PCLO: variants seen among roughly 807,000 people sequenced by gnomAD.
PCLO encodes the protein piccolo presynaptic cytomatrix protein.
In PCLO, 82 loss-of-function variants were observed where a neutral mutation model predicts 427.5. The ratio of observed to expected loss-of-function variants is 0.19; its 90% CI spans 0.16 to 0.23. The LOEUF is 0.23. Among genes scored for constraint, PCLO ranks in the 10% least tolerant of loss-of-function variants. PCLO has a pLI of 1.00. For synonymous variants in PCLO, 2,357 were observed against 2,155.4 expected (o/e 1.09, Z -2.59); for missense variants, 6,239 against 6,115.9 (o/e 1.02, Z -0.67).
rs372228421 is a variant in PCLO, at chr7:82,950,900, G to A, written c.9688C>T (p.Arg3230Cys). ...TCCCACTCCAATTCCTCAGCAAAGC[G>A]CTGTTGCTTAATTTTCTCCAGTTCC... Reference protein sequence around the residue: ...LLELEKIKQQRFAEELEWERQ... With the variant: ...LLELEKIKQQCFAEELEWERQ... Residue 3230 changes from arginine (R) to cysteine (C), a missense_variant, in exon 6 of 25, where the codon CGC (arginine) becomes TGC (cysteine). By Grantham distance (180) the Arg-to-Cys change is radical. Transcript: ENST00000333891. 4.6e-5 allele frequency: 74 copies of A among 1,613,192 alleles called. No individual in the cohort carries two copies. The East Asian group carries it at 6.0e-4, about 13-fold the overall frequency.
chr7:82,954,699 G>T lies in PCLO; in HGVS notation c.6254C>A (p.Ala2085Asp), dbSNP rs759950263. The change falls in exon 5 of 25, where the codon GCC becomes GAC. Residue 2085 changes from alanine to aspartate, a missense_variant. Physicochemically the swap from Ala to Asp is moderately radical, Grantham distance 126. Around this residue, in one of 5 missense-constraint regions of PCLO, gnomAD observed 4,677 missense variants for 4,468.4 expected, o/e 1.05. Coordinates refer to ENST00000333891, the MANE Select transcript of PCLO (RefSeq NM_033026.6). ...CTCTGTCATATCCTCACCAATGGGG[G>T]CCTGGGTTGGGCTAGATCCAGGTGT... ...QLTPGSSPTQ[A>D]PIGEDMTEST... The T allele has an allele frequency of 9.2e-5, 148 of 1,613,858 alleles. 2 individuals carry two copies. In the South Asian group the frequency reaches 1.5e-3, roughly 17 times the overall value.
At chr7:83,158,907 CCA>C (rs1357653476) in intron 1 of PCLO, among the ~76,000 whole-genome samples, 1 of 151,886 alleles carries the variant, frequency 6.6e-6, no homozygotes, top group African/African-American at 2.4e-5. Context: ...ACTGCCAATA[CCA>C]AACAAAAACG....
chr7:82,907,863 C>A (rs1378911151), intron 8 of PCLO, among the ~76,000 whole-genome samples: 1 of 151,832 alleles, frequency 6.6e-6, no homozygotes, highest in Non-Finnish European at 1.5e-5. Context: ...AGAAATAAAT[C>A]AAATCTAAGA....
At chr7:82,846,689 G>T in intron 11 of PCLO, 55 bp from the exon 12 acceptor site, 3 of 1,253,462 alleles carry the variant, frequency 2.4e-6, no homozygotes, top group Non-Finnish European at 3.4e-6. Context: ...GAGACAAAGA[G>T]CACTTTTTTC....
intron 10 of PCLO, among the ~76,000 whole-genome samples, chr7:82,865,991 G>A (rs1391715485): frequency 1.3e-5 from 2 of 152,012 alleles, no homozygotes; most frequent in East Asian, 3.9e-4. Context: ...CCTTACAATG[G>A]CCTGCAAGAT....
At chr7:82,873,722 C>T (rs544674802) in intron 10 of PCLO, among the ~76,000 whole-genome samples, 18 of 152,154 alleles carry the variant, frequency 1.2e-4, no homozygotes, top group Admixed American at 1.2e-3. Context: ...AGAATAAAGA[C>T]AATATTTTGG....
intron 4 of PCLO, 148 bp from the exon 5 acceptor site, chr7:82,957,083 G>GA (rs1171084328): frequency 1.3e-6 from 1 of 793,300 alleles, no homozygotes; most frequent in African/African-American, 1.8e-5. Flanking sequence ...AAAAGTTTGA[G>GA]AAAAATATTG....
At position 82,949,734 on chromosome 7, in the gene PCLO, T is replaced by C. The variant is rs537813054; in HGVS notation, c.10854A>G (p.Lys3618=). Residue 3618 remains lysine, a synonymous_variant, in exon 6 of 25, where the codon AAA becomes AAG. Transcript: ENST00000333891. The part of the protein sequence containing the change: ...STVQLAPSPP[K]SPKVLYSPIS... ...TGGGTGAGTAAAGGACTTTGGGGGA[T>C]TTGGGTGGGGAAGGAGCCAGCTGTA... The C allele has an allele frequency of 6.2e-7, 1 of 1,613,526 alleles. No individual in the cohort carries two copies. Among genetic ancestry groups the C allele is most frequent in the East Asian group, 2.2e-5 (1 of 44,834 alleles).
chr7:82,805,378 G>A (rs969772093), intron 21 of PCLO, among the ~76,000 whole-genome samples: 4 of 152,124 alleles, frequency 2.6e-5, no homozygotes, highest in Non-Finnish European at 5.9e-5. Context: ...TGGTCATTAT[G>A]TGATTAAAAC....
chr7:82,915,608 A>T lies in PCLO; in HGVS notation c.12378T>A (p.His4126Gln). The T allele has an allele frequency of 6.2e-7, 1 of 1,613,460 alleles. No homozygotes were observed. The highest frequency in any genetic ancestry group is 8.5e-7 in the Non-Finnish European group (1 of 1,179,664). Residue 4126 changes from histidine to glutamine, a missense_variant, in exon 7 of 25, where the codon CAT becomes CAA. His to Gln is a conservative substitution (Grantham distance 24). Coordinates refer to ENST00000333891, the MANE Select transcript of PCLO (RefSeq NM_033026.6). ...CTCTACGAAATTCCTGTTTAATCTGATGTTTCAGAAGCTTTAACTCGTAAG... is the reference window on the plus strand; with the variant it reads ...CTCTACGAAATTCCTGTTTAATCTGTTGTTTCAGAAGCTTTAACTCGTAAG... ...EDPYELKLLK[H>Q]QIKQEFRRGT... is the part of the protein sequence containing the mutation.
intron 1 of PCLO, among the ~76,000 whole-genome samples, chr7:83,157,606 T>C (rs1160972944): frequency 1.3e-5 from 2 of 151,756 alleles, no homozygotes; most frequent in African/African-American, 4.8e-5. Context: ...ATTTTTTATA[T>C]ATCTATTGTT....
chr7:82,827,771 TTTGA>T (rs1427660694), intron 17 of PCLO, 98 bp downstream of exon 17: 4 of 614,070 alleles, frequency 6.5e-6, no homozygotes, highest in Admixed American at 3.5e-5. Context: ...ACTTTTTTTG[TTTGA>T]TTGGCAAAAT....
At chr7:83,064,842 G>T (rs749490221) in intron 3 of PCLO, among the ~76,000 whole-genome samples, 1 of 151,786 alleles carries the variant, frequency 6.6e-6, no homozygotes, top group Non-Finnish European at 1.5e-5. Flanking sequence ...AATTGGAAAA[G>T]AATAATAACT....
chr7:82,901,651 G>A (rs1267996469), intron 9 of PCLO, among the ~76,000 whole-genome samples: 2 of 151,978 alleles, frequency 1.3e-5, no homozygotes, highest in African/African-American at 2.4e-5. Context: ...CTACAAAATG[G>A]GAGAAAATTT....
intron 3 of PCLO, among the ~76,000 whole-genome samples, chr7:82,989,519 AAATG>A (rs1383867950): frequency 6.6e-6 from 1 of 152,126 alleles, no homozygotes; most frequent in South Asian, 2.1e-4. Context: ...TAATTTACTC[AAATG>A]AAATATGGCA....
chr7:83,094,367 C>G (rs986722171), intron 3 of PCLO, among the ~76,000 whole-genome samples: 1 of 151,968 alleles, frequency 6.6e-6, no homozygotes, highest in Admixed American at 6.6e-5. Context: ...CGCCACCATG[C>G]CCAGCTAATT....
At position 82,914,873 on chromosome 7, in the gene PCLO, C is replaced by T; in HGVS notation, c.13113G>A (p.Met4371Ile). Reference protein sequence around the residue: ...ESPLSPVGQPMGMARAAAGPL... With the variant: ...ESPLSPVGQPIGMARAAAGPL... ...GTCCAGCTGCAGCCCTGGCCATTCC[C>T]ATTGGCTGGCCAACAGGACTGAGTG... Residue 4371 changes from methionine to isoleucine, a missense_variant, in exon 7 of 25, where the codon ATG (methionine) becomes ATA (isoleucine). Transcript: ENST00000333891. 1 of 1,613,602 alleles carries T rather than the reference C, an allele frequency of 6.2e-7. No homozygotes were observed. Among genetic ancestry groups the T allele is most frequent in the Non-Finnish European group, 8.5e-7 (1 of 1,179,722 alleles).
At position 82,859,561 on chromosome 7, in the gene PCLO, C is replaced by T. The variant is rs138043268; in HGVS notation, c.13655-12314G>A. ...CAGCATTACTGGGCTTGGGGTGCCC[C>T]CTAAAGCAGACATAGCTTAGACCAT... is the stretch of plus-strand genomic sequence containing the variant. On this transcript the variant is annotated intron_variant, in intron 10 of 24. Coordinates refer to ENST00000333891, the MANE Select transcript of PCLO (RefSeq NM_033026.6). Among the ~76,000 whole-genome samples the T allele has an allele frequency of 2.4e-4, 37 of 152,264 alleles. No individual in the cohort carries two copies. The East Asian group carries it at 7.0e-3, about 29-fold the overall frequency.
intron 19 of PCLO, among the ~76,000 whole-genome samples, chr7:82,823,050 G>A (rs1373001562): frequency 6.6e-6 from 1 of 152,148 alleles, no homozygotes; most frequent in Non-Finnish European, 1.5e-5. Context: ...ACAGGATGAA[G>A]GATGTGAATC....
Sources: gnomAD v4.1 joint callset for allele counts (sites outside exome capture counted in the v4.1 genomes callset) on GRCh38, gnomAD v4.1.1 for gene constraint, gnomAD v4.1.1 regional missense constraint, MANE v1.5 for transcripts, NCBI Gene and HGNC (gene_info 2026-07-23, HGNC 2026-07-21) for gene names.